The following DYNC2H1 variants were observed in gnomAD, a reference collection of about 807,000 sequenced individuals.
DYNC2H1 encodes the protein dynein cytoplasmic 2 heavy chain 1.
In DYNC2H1, 410 loss-of-function variants were observed where a neutral mutation model predicts 570.0. The observed-to-expected ratio is 0.72, with a 90% CI of 0.66 to 0.78. The LOEUF is 0.78. DYNC2H1 is among the 30% of genes least tolerant of loss of function. DYNC2H1 has a pLI of 0.00. For missense variants in DYNC2H1, 4,865 were observed against 5,046.4 expected, an observed-to-expected ratio of 0.96 and a Z score of 1.09; for synonymous variants, 1,688 against 1,677.6, an observed-to-expected ratio of 1.01 and a Z score of -0.15.
intron 84 of DYNC2H1, among the ~76,000 whole-genome samples, chr11:103,427,600 G>A (rs1403656385): frequency 6.6e-6 from 1 of 152,190 alleles, no homozygotes; most frequent in East Asian, 1.9e-4. Flanking sequence ...AGATCAAAGG[G>A]CTGGCAGATC....
intron 82 of DYNC2H1, among the ~76,000 whole-genome samples, chr11:103,341,467 C>CT (rs1265630550): frequency 6.6e-6 from 1 of 152,140 alleles, no homozygotes; most frequent in African/African-American, 2.4e-5. Context: ...TGGTTGGCCA[C>CT]TTAGTATTAT....
In DYNC2H1 at chr11:103,203,943, C is replaced by T. The variant is rs1591403167; in HGVS notation, c.8311+167C>T. 6.6e-6 allele frequency among the ~76,000 whole-genome samples: 1 copy of T among 152,172 alleles called. No homozygotes were observed. The highest frequency in any genetic ancestry group is 1.5e-5 in the Non-Finnish European group (1 of 67,990). Reference sequence around the variant, plus strand: ...TGGATAGGCTAACCTATAATAAAAACACCTGTATTAGTCTGTTTTTCCACT... The same window carrying T: ...TGGATAGGCTAACCTATAATAAAAATACCTGTATTAGTCTGTTTTTCCACT... On this transcript the variant is annotated intron_variant, in intron 51 of 88. Transcript: ENST00000375735. The surrounding 1 kb of genome is among the most constrained non-coding windows in gnomAD (Gnocchi z 4.7).
intron 83 of DYNC2H1, among the ~76,000 whole-genome samples, chr11:103,371,197 C>T (rs981909934): frequency 7.2e-5 from 11 of 151,866 alleles, no homozygotes; most frequent in Non-Finnish European, 1.5e-4. Context: ...CTTTTGATAA[C>T]AGAATTCATC....
rs776162975 is a variant in DYNC2H1, at chr11:103,109,611, A to C, written c.37A>C (p.Ile13Leu). 6.2e-7 allele frequency: 1 copy of C among 1,613,652 alleles called. No individual in the cohort carries two copies. Among genetic ancestry groups the C allele is most frequent in the South Asian group, 1.1e-5 (1 of 91,050 alleles). Residue 13 changes from isoleucine (I) to leucine (L), a missense_variant, in exon 1 of 89, where the codon ATC (isoleucine) becomes CTC (leucine). By Grantham distance (5) the Ile-to-Leu change is conservative. This residue lies in a region of DYNC2H1 where 1,936 missense variants were observed against 1,962.1 expected (regional missense o/e 0.99). Transcript: ENST00000375735. ...NGTADVRKLFIFTTTQNYFGL... is the reference protein window; with the variant it reads ...NGTADVRKLFLFTTTQNYFGL... Reference sequence around the variant, plus strand: ...GACTGCGGACGTTCGGAAGCTCTTCATCTTCACTACTACCCAGAATTACTT... The same window carrying C: ...GACTGCGGACGTTCGGAAGCTCTTCCTCTTCACTACTACCCAGAATTACTT...
At position 103,191,571 on chromosome 11, in the gene DYNC2H1, A is replaced by T; in HGVS notation, c.7492A>T (p.Ile2498Phe). 6.2e-7 allele frequency: 1 copy of T among 1,610,616 alleles called. No homozygotes were observed. The highest frequency in any genetic ancestry group is 8.5e-7 in the Non-Finnish European group (1 of 1,178,362). ...DYSHYFFTPC[I>F]LTQWVLGLFR... ...TAGTCACTATTTCTTTACTCCTTGCATTCTTACCCAATGGGTTCTTGGCTT... is the reference window on the plus strand; with the variant it reads ...TAGTCACTATTTCTTTACTCCTTGCTTTCTTACCCAATGGGTTCTTGGCTT... Residue 2498 changes from isoleucine to phenylalanine, a missense_variant, in exon 46 of 89, where the codon ATT becomes TTT. Transcript: ENST00000375735.
chr11:103,243,292 GATA>G lies in DYNC2H1; in HGVS notation c.9820-400_9820-398del, dbSNP rs1565425252. 6.2e-5 allele frequency among the ~76,000 whole-genome samples: 9 copies of G among 144,076 alleles called. No homozygotes were observed. The highest frequency in any genetic ancestry group is 1.8e-4 in the African/African-American group (7 of 38,374). 94.5% of individuals were successfully genotyped at this position (144,076 alleles called of 152,430 possible). A position where few individuals can be genotyped will look rare whatever the true frequency, so the allele number is the denominator to read the frequency against. On this transcript the variant is annotated intron_variant, in intron 63 of 88. Transcript: ENST00000375735. The surrounding 1 kb of genome is among the most constrained non-coding windows in gnomAD (Gnocchi z 4.8). The stretch of plus-strand genomic sequence containing the variant: ...AGATAGATAGATAGATAGATAGATA[GATA>G]GATAGATAGATAAATAGAGAATAAT...
At chr11:103,171,916 T>G (rs1861590924) in intron 34 of DYNC2H1, among the ~76,000 whole-genome samples, 1 of 152,178 alleles carries the variant, frequency 6.6e-6, no homozygotes, top group South Asian at 2.1e-4. Context: ...ACTTAGCTAT[T>G]TTGTTCCTCA....
intron 80 of DYNC2H1, among the ~76,000 whole-genome samples, chr11:103,317,118 A>G (rs899139531): frequency 1.9e-4 from 29 of 151,936 alleles, no homozygotes; most frequent in African/African-American, 7.0e-4. Flanking sequence ...TCTAAAGTTT[A>G]TTGTGCAGGG....
chr11:103,397,826 T>C (rs1383998900), intron 83 of DYNC2H1, among the ~76,000 whole-genome samples: 1 of 152,254 alleles, frequency 6.6e-6, no homozygotes, highest in Middle Eastern at 3.4e-3. Flanking sequence ...GCCCAGGAGG[T>C]CGAGGCTGCA....
At chr11:103,425,771 T>C (rs1943648890) in intron 84 of DYNC2H1, among the ~76,000 whole-genome samples, 1 of 151,454 alleles carries the variant, frequency 6.6e-6, no homozygotes, top group Non-Finnish European at 1.5e-5. Flanking sequence ...ATCACATTAC[T>C]GGATAAATCT....
At chr11:103,207,818 G>A (rs79841416) in intron 52 of DYNC2H1, among the ~76,000 whole-genome samples, 3,458 of 152,140 alleles carry the variant, frequency 0.023, 114 homozygotes, top group African/African-American at 0.077. Context: ...ATCAGAATTG[G>A]GACTTTGGTG....
chr11:103,459,967 AAG>A lies in DYNC2H1; in HGVS notation c.12648+3613_12648+3614del, dbSNP rs1306263232. Among the ~76,000 whole-genome samples the A allele has an allele frequency of 4.2e-4, 63 of 149,780 alleles. No homozygotes were observed. The Middle Eastern group carries it at 0.01, about 25-fold the overall frequency. Reference sequence around the variant, plus strand: ...GAGCGAGACTCCGTCTCAAAAAAAAAAGAAAAAAAAAAAAAAGCTGAAGGACT... The same window carrying A: ...GAGCGAGACTCCGTCTCAAAAAAAAAAAAAAAAAAAAAAAGCTGAAGGACT... On this transcript the variant is annotated intron_variant, in intron 87 of 88. Transcript: ENST00000375735.
rs964711006 is a variant in DYNC2H1, at chr11:103,199,372, C to T, written c.7984C>T (p.Arg2662Trp). The T allele has an allele frequency of 1.6e-5, 25 of 1,610,814 alleles. No homozygotes were observed. Among genetic ancestry groups the T allele is most frequent in the Non-Finnish European group, 2.0e-5 (23 of 1,178,974 alleles). The change falls in exon 49 of 89, where the codon CGG becomes TGG. Residue 2662 changes from arginine to tryptophan, a missense_variant. Around this residue, in one of 5 missense-constraint regions of DYNC2H1, gnomAD observed 2,401 missense variants for 2,454.6 expected, o/e 0.98. Coordinates refer to ENST00000375735, the MANE Select transcript of DYNC2H1 (RefSeq NM_001377.3). The surrounding 1 kb of genome is among the most constrained non-coding windows in gnomAD (Gnocchi z 4.6). ...LLAGRSGVGR[R>W]TITSLVSHMH... ...AGCAGGACGCAGTGGTGTAGGTCGT[C>T]GGACCATCACTTCTTTAGTCAGTCA... is the stretch of plus-strand genomic sequence containing the variant.
At position 103,286,385 on chromosome 11, in the gene DYNC2H1, A is replaced by G. The variant is rs2135353472; in HGVS notation, c.11021A>G (p.Gln3674Arg). 6.2e-7 allele frequency: 1 copy of G among 1,610,314 alleles called. No individual in the cohort carries two copies. The highest frequency in any genetic ancestry group is 8.5e-7 in the Non-Finnish European group (1 of 1,179,022). ...GCAAAGAAAGTTTCCTTATTTCAGC[A>G]GGTAAAATTTAGTGTTATCTAAATG... Reference protein sequence around the residue: ...ILAKKVSLFQQILVVQALRPD... With the variant: ...ILAKKVSLFQRILVVQALRPD... The change falls in exon 74 of 89, where the codon CAG becomes CGG. Residue 3674 changes from glutamine to arginine, a missense_variant and splice_region_variant. Physicochemically the swap from Gln to Arg is conservative, Grantham distance 43 (BLOSUM62 1). This residue lies in a region of DYNC2H1 where 2,401 missense variants were observed against 2,454.6 expected (regional missense o/e 0.98). Coordinates refer to ENST00000375735, the MANE Select transcript of DYNC2H1 (RefSeq NM_001377.3).
intron 6 of DYNC2H1, 119 bp downstream of exon 6, chr11:103,117,982 G>T (rs2134703007): frequency 2.4e-6 from 2 of 819,012 alleles, no homozygotes; most frequent in African/African-American, 1.8e-5. Context: ...TTTTGTGAGA[G>T]AATAGGAATT....
intron 75 of DYNC2H1, chr11:103,287,886 G>C (rs1866411358): frequency 3.2e-6 from 1 of 313,252 alleles, no homozygotes; most frequent in African/African-American, 2.1e-5. Context: ...AATTCACACA[G>C]AGCCGGCTGT....
intron 82 of DYNC2H1, among the ~76,000 whole-genome samples, chr11:103,332,978 G>A (rs577623701): frequency 5.7e-4 from 87 of 151,310 alleles, no homozygotes; most frequent in African/African-American, 2.0e-3. Flanking sequence ...ACTCCAGCCC[G>A]GGAGACAGAG....
At position 103,199,519 on chromosome 11, in the gene DYNC2H1, C is replaced by T; in HGVS notation, c.8088+43C>T. On this transcript the variant is annotated intron_variant, in intron 49 of 88. Coordinates refer to ENST00000375735, the MANE Select transcript of DYNC2H1 (RefSeq NM_001377.3). This position sits in a 1 kb window ranked among gnomAD's most constrained non-coding sequence, Gnocchi z 4.6. ...TTTTGCTTTATTTGGTTTTAAATTA[C>T]ATTGGTTATTACTCTAAACATCTTT... The T allele has an allele frequency of 6.8e-7, 1 of 1,466,636 alleles. No homozygotes were observed. The highest frequency in any genetic ancestry group is 9.0e-7 in the Non-Finnish European group (1 of 1,107,242). 90.9% of individuals were successfully genotyped at this position (1,466,636 alleles called of 1,614,324 possible).
chr11:103,446,787 A>G lies in DYNC2H1; in HGVS notation c.12457-8399A>G, dbSNP rs1002004676. On this transcript the variant is annotated intron_variant, in intron 85 of 88. Transcript: ENST00000375735. This position sits in a 1 kb window ranked among gnomAD's most constrained non-coding sequence, Gnocchi z 4.5. ...TAGGAGTAAAGTTCTTAAAAAGGCA[A>G]GAGGAAATAGGGCCCAATGCACATG... Among the ~76,000 whole-genome samples, 3 of 152,162 alleles carry G rather than the reference A, an allele frequency of 2.0e-5. No homozygotes were observed. Among genetic ancestry groups the G allele is most frequent in the Non-Finnish European group, 4.4e-5 (3 of 68,022 alleles).
Sources: gnomAD v4.1 joint callset for allele counts (sites outside exome capture counted in the v4.1 genomes callset) on GRCh38, gnomAD v4.1.1 for gene constraint, gnomAD v4.1.1 regional missense constraint, Gnocchi (gnomAD v3.1) non-coding constraint, MANE v1.5 for transcripts, NCBI Gene and HGNC (gene_info 2026-07-23, HGNC 2026-07-21) for gene names.